The following SORCS2 variants were observed in gnomAD, a reference collection of about 807,000 sequenced individuals.
SORCS2 encodes sortilin related VPS10 domain containing receptor 2, also known as VPS10 domain-containing receptor SorCS2.
A neutral mutation model predicts 141.6 loss-of-function variants in SORCS2; 100 were observed. That is an observed-to-expected ratio of 0.71 (90% CI 0.60 to 0.83). The LOEUF (loss-of-function observed/expected upper bound fraction) is 0.83. Ranked by LOEUF, SORCS2 falls within the 40% of genes least tolerant of loss-of-function variation. The pLI is 0.00. For missense variants in SORCS2, 1,646 were observed against 1,560.2 expected (o/e 1.05, Z -0.93); for synonymous variants, 789 against 676.9 (o/e 1.17, Z -2.57).
At chr4:7,698,740 C>G (rs762357514) in intron 12 of SORCS2, among the ~76,000 whole-genome samples, 3 of 152,208 alleles carry the variant, frequency 2.0e-5, no homozygotes, top group East Asian at 1.9e-4. Flanking sequence ...TGGTGCTTCC[C>G]GAAAGATGGC....
intron 1 of SORCS2, among the ~76,000 whole-genome samples, chr4:7,270,495 G>A (rs893144598): frequency 2.0e-5 from 3 of 152,214 alleles, no homozygotes; most frequent in Non-Finnish European, 4.4e-5. Flanking sequence ...TCCTCTGAGG[G>A]AGTTTGGTGG....
intron 1 of SORCS2, among the ~76,000 whole-genome samples, chr4:7,219,275 C>T (rs544437821): frequency 1.6e-4 from 25 of 152,114 alleles, no homozygotes; most frequent in Non-Finnish European, 2.2e-4. Flanking sequence ...GTAACCCATG[C>T]GACAGCCTGT....
At chr4:7,399,122 A>G (rs915086363) in intron 2 of SORCS2, among the ~76,000 whole-genome samples, 1 of 151,876 alleles carries the variant, frequency 6.6e-6, no homozygotes, top group Non-Finnish European at 1.5e-5. Flanking sequence ...TACTACTCAC[A>G]TTTTCTCCTT....
At chr4:7,686,843 G>A (rs565363840) in intron 10 of SORCS2, among the ~76,000 whole-genome samples, 3 of 152,332 alleles carry the variant, frequency 2.0e-5, no homozygotes, top group East Asian at 1.9e-4. Context: ...CTGTTTGGCC[G>A]TCAGCAGGCC....
intron 2 of SORCS2, chr4:7,431,395 C>T (rs904198618): frequency 2.0e-5 from 3 of 152,320 alleles, no homozygotes; most frequent in Non-Finnish European, 2.9e-5. Context: ...CCCAGGTGAC[C>T]TGTCGGGGGA....
At chr4:7,276,032 A>G (rs1185274201) in intron 1 of SORCS2, among the ~76,000 whole-genome samples, 2 of 152,180 alleles carry the variant, frequency 1.3e-5, no homozygotes, top group African/African-American at 4.8e-5. Context: ...TGCTCTGCTC[A>G]TAATGCGTAA....
At chr4:7,449,771 C>T (rs550322789) in intron 2 of SORCS2, among the ~76,000 whole-genome samples, 1 of 152,078 alleles carries the variant, frequency 6.6e-6, no homozygotes. Flanking sequence ...CCTCGGAAAT[C>T]GCTCCAGTGT....
intron 1 of SORCS2, among the ~76,000 whole-genome samples, chr4:7,268,970 G>A (rs73799437): frequency 0.052 from 7,975 of 152,278 alleles, 691 homozygotes; most frequent in African/African-American, 0.18. Flanking sequence ...CCAGGCTCCA[G>A]GGAGGAGGCC....
intron 3 of SORCS2, among the ~76,000 whole-genome samples, chr4:7,618,891 CG>C (rs1275048299): frequency 2.0e-5 from 3 of 152,052 alleles, no homozygotes; most frequent in Admixed American, 6.6e-5. Context: ...AAGTCTCGGG[CG>C]GGGGCAGGAA....
chr4:7,634,474 A>G (rs554098972), intron 3 of SORCS2, among the ~76,000 whole-genome samples: 1 of 152,338 alleles, frequency 6.6e-6, no homozygotes, highest in African/African-American at 2.4e-5. Context: ...AGCTGGAGCT[A>G]TTTGAGCAAC....
chr4:7,193,292 G>A lies in SORCS2; in HGVS notation c.480+166G>A, dbSNP rs1296316608. 2.0e-5 allele frequency among the ~76,000 whole-genome samples: 3 copies of A among 152,154 alleles called. No individual in the cohort carries two copies. Among genetic ancestry groups the A allele is most frequent in the Non-Finnish European group, 4.4e-5 (3 of 68,022 alleles). On this transcript the variant is annotated intron_variant, in intron 1 of 26. Transcript: ENST00000507866. This position sits in a 1 kb window ranked among gnomAD's most constrained non-coding sequence, Gnocchi z 4.8. ...CTCGGCCGCGCCCCTACTGGCCTCT[G>A]GTCACTGGTTACTTGGGGAGAGGTC...
intron 1 of SORCS2, among the ~76,000 whole-genome samples, chr4:7,326,809 G>A (rs560778136): frequency 1.3e-5 from 2 of 152,234 alleles, no homozygotes; most frequent in East Asian, 1.9e-4. Flanking sequence ...AGTGTCCGGG[G>A]CAGGAAGCGC....
intron 2 of SORCS2, among the ~76,000 whole-genome samples, chr4:7,517,685 T>G (rs1733076740): frequency 6.6e-6 from 1 of 152,172 alleles, no homozygotes; most frequent in Admixed American, 6.5e-5. Context: ...AAGAAGACAT[T>G]TTTTAAAAAG....
rs377044346 is a variant in SORCS2 at position 7,490,338 on chromosome 4, C to T, written c.549-41192C>T. ...CCCAGCCTGCCTCCCTCTGCCAGGCCTGGTCCAGTGTAGGGGGTGAGGCTG... is the reference window on the plus strand; with the variant it reads ...CCCAGCCTGCCTCCCTCTGCCAGGCTTGGTCCAGTGTAGGGGGTGAGGCTG... On this transcript the variant is annotated intron_variant, in intron 2 of 26. Transcript: ENST00000507866. Among the ~76,000 whole-genome samples, 9 of 152,286 alleles carry T rather than the reference C, an allele frequency of 5.9e-5. No homozygotes were observed. In the South Asian group the frequency reaches 1.7e-3, roughly 28 times the overall value.
intron 5 of SORCS2, among the ~76,000 whole-genome samples, chr4:7,660,686 A>G (rs1722103598): frequency 6.6e-6 from 1 of 152,182 alleles, no homozygotes; most frequent in Non-Finnish European, 1.5e-5. Flanking sequence ...CAAGTCACAG[A>G]CCCGTTCTGT....
At chr4:7,350,593 A>G (rs912419499) in intron 1 of SORCS2, among the ~76,000 whole-genome samples, 2 of 152,242 alleles carry the variant, frequency 1.3e-5, no homozygotes, top group Middle Eastern at 3.4e-3. Context: ...GGCAGGCATG[A>G]CCCTGAAGGC....
intron 1 of SORCS2, among the ~76,000 whole-genome samples, chr4:7,231,771 A>C (rs1711906775): frequency 6.6e-6 from 1 of 152,102 alleles, no homozygotes. Flanking sequence ...TGGCCTTTGC[A>C]CTTTAGGAAT....
At chr4:7,259,679 G>A (rs1367340166) in intron 1 of SORCS2, among the ~76,000 whole-genome samples, 1 of 152,252 alleles carries the variant, frequency 6.6e-6, no homozygotes, top group Non-Finnish European at 1.5e-5. Flanking sequence ...TGCCCGAGGA[G>A]GAGGTGGTCA....
At chr4:7,316,609 G>A (rs980035355) in intron 1 of SORCS2, among the ~76,000 whole-genome samples, 1 of 152,160 alleles carries the variant, frequency 6.6e-6, no homozygotes, top group Non-Finnish European at 1.5e-5. Context: ...ATGTGATAAC[G>A]AATTTAAAGT....
Sources: gnomAD v4.1 joint callset for allele counts (sites outside exome capture counted in the v4.1 genomes callset) on GRCh38, gnomAD v4.1.1 for gene constraint, Gnocchi (gnomAD v3.1) non-coding constraint, MANE v1.5 for transcripts, NCBI Gene and HGNC (gene_info 2026-07-23, HGNC 2026-07-21) for gene names.